Variants in PHLPP1 observed in about 807,000 individuals in gnomAD.
The protein encoded by PHLPP1 is PH domain leucine-rich repeat-containing protein phosphatase 1.
In PHLPP1, 42 loss-of-function variants were observed where a neutral mutation model predicts 117.2. That is an observed-to-expected ratio of 0.36 (90% CI 0.28 to 0.46). The LOEUF is 0.46. PHLPP1 is among the 20% of genes least tolerant of loss of function. The probability of loss-of-function intolerance (pLI) is 1.00; values close to 1 mark genes in which losing one functional copy is unlikely to be tolerated. For synonymous variants in PHLPP1, 1,042 were observed against 970.7 expected (o/e 1.07, Z -1.37); for missense variants, 2,084 against 2,241.9 (o/e 0.93, Z 1.42).
chr18:62,818,216 C>T (rs1914348848), intron 1 of PHLPP1, among the ~76,000 whole-genome samples: 2 of 152,038 alleles, frequency 1.3e-5, no homozygotes, highest in Admixed American at 1.3e-4. Flanking sequence ...AAAGCTTTGA[C>T]CTAGAATTCT....
intron 1 of PHLPP1, among the ~76,000 whole-genome samples, chr18:62,734,009 G>A (rs1911298061): frequency 6.6e-6 from 1 of 152,140 alleles, no homozygotes; most frequent in Non-Finnish European, 1.5e-5. Context: ...TCTGGGTTAA[G>A]CAAATATTCG....
intron 4 of PHLPP1, among the ~76,000 whole-genome samples, chr18:62,863,203 T>C (rs769853716): frequency 8.1e-4 from 122 of 151,548 alleles, no homozygotes; most frequent in Middle Eastern, 3.4e-3. Context: ...TCTTCTTTTC[T>C]TTCTTCTTTT....
intron 1 of PHLPP1, among the ~76,000 whole-genome samples, chr18:62,740,122 C>T (rs867965430): frequency 1.4e-5 from 2 of 143,986 alleles, no homozygotes; most frequent in Admixed American, 7.0e-5. Context: ...CTTGTAGTTC[C>T]CTGCTCCTAA....
intron 1 of PHLPP1, chr18:62,824,305 G>GA (rs981453906): frequency 0.034 from 10,386 of 303,170 alleles, no homozygotes; most frequent in South Asian, 0.055. Context: ...CATCAAAATA[G>GA]AAAAAAAAAA....
intron 10 of PHLPP1, among the ~76,000 whole-genome samples, chr18:62,939,387 A>T (rs9951506): frequency 3.7e-4 from 57 of 152,304 alleles, no homozygotes; most frequent in African/African-American, 1.2e-3. Flanking sequence ...CTTACATTGT[A>T]ATTTATTCTA....
chr18:62,888,323 G>GTGTGTGTGTA (rs1373030800), intron 4 of PHLPP1, among the ~76,000 whole-genome samples: 1 of 146,314 alleles, frequency 6.8e-6, no homozygotes, highest in Non-Finnish European at 1.5e-5. Flanking sequence ...GTGTGTGTGT[G>GTGTGTGTGTA]TGTGTGTGTG....
At chr18:62,921,156 C>G (rs774356156) in intron 10 of PHLPP1, among the ~76,000 whole-genome samples, 2 of 152,174 alleles carry the variant, frequency 1.3e-5, no homozygotes, top group Non-Finnish European at 2.9e-5. Context: ...GCATCATTCT[C>G]AAGTGTTTCA....
chr18:62,719,977 A>G (rs1206621958), intron 1 of PHLPP1, among the ~76,000 whole-genome samples: 1 of 152,200 alleles, frequency 6.6e-6, no homozygotes, highest in Non-Finnish European at 1.5e-5. Flanking sequence ...AAGGCCCTGG[A>G]TAAAGGTACT....
At chr18:62,749,226 A>G (rs573801332) in intron 1 of PHLPP1, among the ~76,000 whole-genome samples, 50 of 150,902 alleles carry the variant, frequency 3.3e-4, no homozygotes, top group African/African-American at 1.2e-3. Context: ...ATAAATGTAT[A>G]TATAAGGTTT....
intron 4 of PHLPP1, among the ~76,000 whole-genome samples, chr18:62,863,196 T>C (rs974296323): frequency 2.0e-5 from 3 of 151,362 alleles, no homozygotes; most frequent in East Asian, 2.0e-4. Context: ...CTCTCTCTCT[T>C]CTTTTCTTTC....
At chr18:62,831,257 G>T (rs181807635) in intron 2 of PHLPP1, among the ~76,000 whole-genome samples, 1 of 152,172 alleles carries the variant, frequency 6.6e-6, no homozygotes, top group East Asian at 1.9e-4. Flanking sequence ...ATTTTTAAGT[G>T]ATATGTTAAT....
At chr18:62,883,773 T>C (rs1461277645) in intron 4 of PHLPP1, among the ~76,000 whole-genome samples, 4 of 152,228 alleles carry the variant, frequency 2.6e-5, no homozygotes, top group Non-Finnish European at 5.9e-5. Context: ...CTGTACATTA[T>C]GTAACACCTC....
At position 62,717,064 on chromosome 18, in the gene PHLPP1, A is replaced by T. The variant is rs1166907195; in HGVS notation, c.1381A>T (p.Lys461Ter). The change falls in exon 1 of 17, where the codon AAG (lysine) becomes TAG (stop). Residue 461 changes from lysine (K) to a stop codon, truncating the protein, a stop_gained. Coordinates refer to ENST00000262719, the MANE Select transcript of PHLPP1 (RefSeq NM_194449.4). LOFTEE classifies it high-confidence loss of function. Reference sequence around the variant, plus strand: ...CGGGAGGAGCGGGGTGACCGCGGAGAAGGCGCCTCCGCCGCCCCCGCCGCC... The same window carrying T: ...CGGGAGGAGCGGGGTGACCGCGGAGTAGGCGCCTCCGCCGCCCCCGCCGCC... ...TPGRSGVTAE[K>*]APPPPPPPTL... is the part of the protein sequence containing the mutation. 1 of 1,546,630 alleles carries T rather than the reference A, an allele frequency of 6.5e-7. No individual in the cohort carries two copies. Among genetic ancestry groups the T allele is most frequent in the Non-Finnish European group, 8.7e-7 (1 of 1,146,252 alleles).
intron 3 of PHLPP1, among the ~76,000 whole-genome samples, chr18:62,844,296 G>A (rs551388935): frequency 2.7e-4 from 41 of 152,084 alleles, no homozygotes; most frequent in African/African-American, 8.2e-4. Context: ...CTGAGATTGC[G>A]CCACTGCACT....
chr18:62,834,596 T>C (rs908539597), intron 2 of PHLPP1, among the ~76,000 whole-genome samples: 9 of 152,208 alleles, frequency 5.9e-5, no homozygotes, highest in Non-Finnish European at 4.4e-5. Flanking sequence ...CAAGTTGTTT[T>C]TCAGGGTCGA....
intron 1 of PHLPP1, among the ~76,000 whole-genome samples, chr18:62,744,940 A>G (rs112781215): frequency 6.6e-6 from 1 of 152,280 alleles, no homozygotes; most frequent in African/African-American, 2.4e-5. Flanking sequence ...TGGAGTTTGA[A>G]TTCCTCCATT....
intron 1 of PHLPP1, among the ~76,000 whole-genome samples, chr18:62,808,811 C>T (rs549207152): frequency 3.9e-5 from 6 of 152,198 alleles, no homozygotes; most frequent in Non-Finnish European, 7.3e-5. Flanking sequence ...ACCTCGGCCT[C>T]CCAAAGTGCT....
chr18:62,837,387 CTT>C (rs1914934964), intron 2 of PHLPP1, among the ~76,000 whole-genome samples: 2 of 152,126 alleles, frequency 1.3e-5, no homozygotes, highest in South Asian at 4.1e-4. Flanking sequence ...ATAATATTCT[CTT>C]CTTAATCTCT....
At chr18:62,945,741 G>C (rs1265300751) in intron 12 of PHLPP1, among the ~76,000 whole-genome samples, 1 of 152,214 alleles carries the variant, frequency 6.6e-6, no homozygotes, top group Non-Finnish European at 1.5e-5. Flanking sequence ...TATAGACAGA[G>C]CATCATTGCT....
Sources: allele counts gnomAD v4.1 joint callset (sites outside exome capture counted in the v4.1 genomes callset), GRCh38; gene constraint gnomAD v4.1.1; transcripts MANE v1.5; gene names NCBI Gene and HGNC (gene_info 2026-07-23, HGNC 2026-07-21).